The following PIK3CB variants were observed in gnomAD, a reference collection of about 807,000 sequenced individuals.
The protein encoded by PIK3CB is phosphatidylinositol-4,5-bisphosphate 3-kinase catalytic subunit beta, also known as phosphatidylinositol 4,5-bisphosphate 3-kinase catalytic subunit beta isoform.
A neutral mutation model predicts 136.8 loss-of-function variants in PIK3CB; 39 were observed. The observed-to-expected ratio is 0.29, with a 90% CI of 0.22 to 0.37. The LOEUF (loss-of-function observed/expected upper bound fraction) is 0.37, where lower values mean the gene tolerates loss of function less well. PIK3CB is among the 10% of genes least tolerant of loss of function. PIK3CB has a pLI of 1.00. For missense variants in PIK3CB, 868 were observed against 1,275.4 expected, an observed-to-expected ratio of 0.68 and a Z score of 4.87; for synonymous variants, 428 against 436.6, an observed-to-expected ratio of 0.98 and a Z score of 0.25.
intron 14 of PIK3CB, among the ~76,000 whole-genome samples, chr3:138,693,992 A>ATATATATATT (rs2044081593): frequency 5.3e-5 from 6 of 113,340 alleles, no homozygotes; most frequent in Non-Finnish European, 1.1e-4. Context: ...ATATATATAT[A>ATATATATATT]TTTTAAACCC....
At chr3:138,682,193 T>G in intron 18 of PIK3CB, 148 bp from the exon 19 acceptor site, 1 of 540,592 alleles carries the variant, frequency 1.8e-6, no homozygotes, top group Non-Finnish European at 3.3e-6. Flanking sequence ...ATTACACTCT[T>G]TGGATAGCAT....
chr3:138,657,475 T>C (rs990260432), intron 22 of PIK3CB: 1 of 496,116 alleles, frequency 2.0e-6, no homozygotes, highest in South Asian at 2.8e-5. Context: ...GAATAAAATA[T>C]AATAATTATT....
At position 138,807,935 on chromosome 3, in the gene PIK3CB, T is replaced by C. The variant is rs1285944295; in HGVS notation, c.-121-11368A>G. Among the ~76,000 whole-genome samples the C allele has an allele frequency of 2.0e-5, 3 of 151,954 alleles. No homozygotes were observed. In the East Asian group the frequency reaches 5.8e-4, roughly 29 times the overall value. ...GTCTGGCTTCCAAGATGCCTTCTCT[T>C]ACTAGTCCAGCTCACACTGACCTTG... On this transcript the variant is annotated intron_variant, in intron 1 of 23. Coordinates refer to ENST00000674063, the MANE Select transcript of PIK3CB (RefSeq NM_006219.3).
At chr3:138,721,106 G>A (rs2044716388) in intron 8 of PIK3CB, among the ~76,000 whole-genome samples, 1 of 152,042 alleles carries the variant, frequency 6.6e-6, no homozygotes, top group Non-Finnish European at 1.5e-5. Context: ...AAGGTGAGTG[G>A]GGGAGAGGGC....
intron 1 of PIK3CB, among the ~76,000 whole-genome samples, chr3:138,806,470 G>C (rs1258899126): frequency 6.6e-6 from 1 of 151,872 alleles, no homozygotes; most frequent in Non-Finnish European, 1.5e-5. Context: ...GGGAGACACA[G>C]TGAGACTCCA....
chr3:138,787,234 C>T lies in PIK3CB; in HGVS notation c.-17+9229G>A, dbSNP rs2045990557. Among the ~76,000 whole-genome samples the T allele has an allele frequency of 4.6e-5, 7 of 152,104 alleles. No homozygotes were observed. The South Asian group carries it at 8.3e-4, about 18-fold the overall frequency. On this transcript the variant is annotated intron_variant, in intron 2 of 23. Transcript: ENST00000674063. ...AAGCTCCTATAGCTGGGCGTGGTGG[C>T]AGGTGCCTGTAATTCCAGCTACTCA...
chr3:138,791,283 C>T (rs978987722), intron 2 of PIK3CB, among the ~76,000 whole-genome samples: 2 of 152,024 alleles, frequency 1.3e-5, no homozygotes, highest in Admixed American at 6.6e-5. Context: ...GCTGGGACTA[C>T]AGGCATGCGC....
At chr3:138,799,042 C>T (rs935791282) in intron 1 of PIK3CB, among the ~76,000 whole-genome samples, 9 of 151,952 alleles carry the variant, frequency 5.9e-5, no homozygotes, top group East Asian at 1.9e-4. Flanking sequence ...GGCAACATGG[C>T]GAAACCCAAT....
intron 6 of PIK3CB, among the ~76,000 whole-genome samples, 199 bp from the exon 7 acceptor site, chr3:138,735,003 C>T (rs1171257485): frequency 6.8e-6 from 1 of 146,768 alleles, no homozygotes; most frequent in African/African-American, 2.5e-5. Flanking sequence ...GGCTGGAATG[C>T]AGTGACACGA....
At chr3:138,833,056 T>A (rs944261135) in intron 1 of PIK3CB, among the ~76,000 whole-genome samples, 1 of 150,922 alleles carries the variant, frequency 6.6e-6, no homozygotes, top group Non-Finnish European at 1.5e-5. Flanking sequence ...CAAGATTCGG[T>A]CTCAAAAAGA....
chr3:138,761,554 A>C (rs929938424), intron 2 of PIK3CB, among the ~76,000 whole-genome samples: 2 of 151,880 alleles, frequency 1.3e-5, no homozygotes, highest in African/African-American at 4.8e-5. Flanking sequence ...GGTGGATCAC[A>C]AGGTCAGGAG....
intron 1 of PIK3CB, among the ~76,000 whole-genome samples, chr3:138,819,837 T>C (rs1338798740): frequency 1.3e-5 from 2 of 152,128 alleles, no homozygotes; most frequent in Non-Finnish European, 2.9e-5. Flanking sequence ...TAGCTGGGCA[T>C]GGTCACAAGT....
chr3:138,723,181 G>A (rs1257712379), intron 8 of PIK3CB, among the ~76,000 whole-genome samples: 1 of 152,028 alleles, frequency 6.6e-6, no homozygotes, highest in Non-Finnish European at 1.5e-5. Flanking sequence ...TATAAAAATT[G>A]TCCCATTTCC....
intron 19 of PIK3CB, among the ~76,000 whole-genome samples, chr3:138,673,972 C>T (rs2043593285): frequency 1.3e-5 from 2 of 152,172 alleles, no homozygotes; most frequent in South Asian, 4.1e-4. Flanking sequence ...ACTCAGACCT[C>T]ACCTAGCATG....
At chr3:138,664,204 G>T (rs1468524279) in intron 20 of PIK3CB, among the ~76,000 whole-genome samples, 175 bp from the exon 21 acceptor site, 2 of 152,128 alleles carry the variant, frequency 1.3e-5, no homozygotes, top group African/African-American at 4.8e-5. Context: ...CTTCACAGGG[G>T]CTGGGCTGAG....
intron 8 of PIK3CB, among the ~76,000 whole-genome samples, chr3:138,720,867 C>T (rs2044711048): frequency 1.3e-5 from 2 of 151,480 alleles, no homozygotes; most frequent in Admixed American, 1.3e-4. Flanking sequence ...GACCCTGCCT[C>T]ATTCAGAAAG....
chr3:138,723,686 G>C (rs145661026), intron 8 of PIK3CB, among the ~76,000 whole-genome samples: 2 of 152,158 alleles, frequency 1.3e-5, no homozygotes, highest in Non-Finnish European at 2.9e-5. Context: ...ACATGCAAAG[G>C]ACTTGCCACT....
chr3:138,825,677 C>A (rs1933749491), intron 1 of PIK3CB: 4 of 650,144 alleles, frequency 6.2e-6, no homozygotes, highest in South Asian at 5.5e-5. Context: ...ACTGACAAAC[C>A]CTTGCATCTG....
At chr3:138,821,724 G>A (rs541094081) in intron 1 of PIK3CB, among the ~76,000 whole-genome samples, 122 of 152,190 alleles carry the variant, frequency 8.0e-4, no homozygotes, top group African/African-American at 2.9e-3. Flanking sequence ...GGGAGAGGTT[G>A]CAGTGAGCCG....
Sources: gnomAD v4.1 joint callset for allele counts (sites outside exome capture counted in the v4.1 genomes callset) on GRCh38, gnomAD v4.1.1 for gene constraint, MANE v1.5 for transcripts, NCBI Gene and HGNC (gene_info 2026-07-23, HGNC 2026-07-21) for gene names.